The following NR2C2 variants were observed in gnomAD, a reference collection of about 807,000 sequenced individuals.
NR2C2 encodes the protein Nuclear hormone receptor TR4.
A neutral mutation model predicts 62.9 loss-of-function variants in NR2C2; 6 were observed. The ratio of observed to expected loss-of-function variants is 0.10; its 90% CI spans 0.05 to 0.19. NR2C2 has a LOEUF of 0.19. NR2C2 is among the 10% of genes least tolerant of loss of function. The probability of loss-of-function intolerance (pLI) is 1.00; values close to 1 mark genes in which losing one functional copy is unlikely to be tolerated. For synonymous variants in NR2C2, 272 were observed against 273.8 expected, an observed-to-expected ratio of 0.99 and a Z score of 0.07; for missense variants, 479 against 762.7, an observed-to-expected ratio of 0.63 and a Z score of 4.38.
At chr3:15,035,322 G>A (rs2042078708) in intron 11 of NR2C2, among the ~76,000 whole-genome samples, 2 of 152,206 alleles carry the variant, frequency 1.3e-5, no homozygotes, top group South Asian at 4.1e-4. Context: ...AGGCTTATCA[G>A]TCAGAATATG....
intron 1 of NR2C2, among the ~76,000 whole-genome samples, chr3:14,953,024 C>T (rs1006356320): frequency 6.6e-6 from 1 of 152,176 alleles, no homozygotes; most frequent in Non-Finnish European, 1.5e-5. Context: ...CAGATGCAGA[C>T]CCCTGGTACC....
At chr3:15,038,239 G>T in intron 12 of NR2C2, 102 bp downstream of exon 12, 2 of 1,215,890 alleles carry the variant, frequency 1.6e-6, no homozygotes, top group South Asian at 1.6e-5. Context: ...GAGCCCTGCA[G>T]ATTGTATGTG....
intron 1 of NR2C2, among the ~76,000 whole-genome samples, chr3:14,983,431 C>T (rs556181946): frequency 1.4e-4 from 21 of 150,464 alleles, no homozygotes; most frequent in African/African-American, 4.2e-4. Flanking sequence ...TTAATCTCAA[C>T]TTGATAGGTT....
chr3:15,007,546 T>A (rs1210365913), intron 2 of NR2C2, among the ~76,000 whole-genome samples: 1 of 152,226 alleles, frequency 6.6e-6, no homozygotes, highest in African/African-American at 2.4e-5. Flanking sequence ...TGTTTCCTTG[T>A]GTATTGCCAG....
intron 12 of NR2C2, 159 bp from the exon 13 acceptor site, chr3:15,038,963 A>G (rs1255120766): frequency 6.4e-6 from 4 of 620,456 alleles, no homozygotes; most frequent in Non-Finnish European, 1.2e-5. Context: ...AACAGAGGAA[A>G]AGCCAGTGTT....
At chr3:14,974,990 T>G (rs1468743839) in intron 1 of NR2C2, among the ~76,000 whole-genome samples, 1 of 152,230 alleles carries the variant, frequency 6.6e-6, no homozygotes, top group Non-Finnish European at 1.5e-5. Flanking sequence ...ATTTTATTCT[T>G]TTTTATGGTA....
At chr3:15,038,354 C>T in intron 12 of NR2C2, 1 of 443,810 alleles carries the variant, frequency 2.3e-6, no homozygotes, top group South Asian at 4.0e-5. Flanking sequence ...CTGATGATGT[C>T]ACGCACTGAA....
intron 1 of NR2C2, among the ~76,000 whole-genome samples, chr3:14,978,660 A>G (rs754770485): frequency 4.6e-5 from 7 of 152,130 alleles, no homozygotes; most frequent in Non-Finnish European, 1.0e-4. Context: ...TTTTAAAACT[A>G]TGGCACAGGG....
chr3:15,008,476 C>T (rs1447531658), intron 2 of NR2C2, among the ~76,000 whole-genome samples: 36 of 151,520 alleles, frequency 2.4e-4, no homozygotes, highest in African/African-American at 8.0e-4. Context: ...GAGCCAACAT[C>T]GTGCTGCTGC....
At chr3:15,013,041 A>G (rs568894192) in intron 2 of NR2C2, among the ~76,000 whole-genome samples, 4 of 152,264 alleles carry the variant, frequency 2.6e-5, no homozygotes, top group African/African-American at 9.6e-5. Flanking sequence ...TGTAGTCTCT[A>G]TCCTTAAAGA....
chr3:14,952,427 A>G (rs2039394129), intron 1 of NR2C2, among the ~76,000 whole-genome samples: 1 of 152,162 alleles, frequency 6.6e-6, no homozygotes, highest in South Asian at 2.1e-4. Flanking sequence ...CTTTAGTCCC[A>G]AACCATCTCC....
intron 4 of NR2C2, among the ~76,000 whole-genome samples, chr3:15,018,327 A>G (rs1373118935): frequency 6.6e-6 from 1 of 152,178 alleles, no homozygotes; most frequent in Admixed American, 6.5e-5. Context: ...TTGATAATTA[A>G]AAGTTGGAGA....
chr3:14,986,437 GACTT>G (rs567319726), intron 1 of NR2C2, among the ~76,000 whole-genome samples: 71 of 152,248 alleles, frequency 4.7e-4, no homozygotes, highest in Non-Finnish European at 6.5e-4. Context: ...AGTGAGACTA[GACTT>G]ACTTATGATA....
chr3:15,043,053 C>A lies in NR2C2; in HGVS notation c.*45C>A. 1.9e-6 allele frequency: 3 copies of A among 1,556,886 alleles called. No individual in the cohort carries two copies. In the South Asian group the frequency reaches 3.6e-5, roughly 19 times the overall value. ...AAGGAGCAACAGAATCCTTCCAGGA[C>A]CGTTCACATACAAAGAAAAGTAGTG... On this transcript the variant is annotated 3_prime_UTR_variant, in exon 14 of 14. Transcript: ENST00000425241.
chr3:14,954,609 C>T (rs2039470549), intron 1 of NR2C2, among the ~76,000 whole-genome samples: 1 of 152,062 alleles, frequency 6.6e-6, no homozygotes, highest in South Asian at 2.1e-4. Context: ...AGAAGCCAGA[C>T]ATACCAAAAA....
At chr3:14,971,717 C>G (rs1360727564) in intron 1 of NR2C2, among the ~76,000 whole-genome samples, 1 of 151,462 alleles carries the variant, frequency 6.6e-6, no homozygotes, top group African/African-American at 2.4e-5. Context: ...GTGGTTTTGA[C>G]TTGCACTTCC....
intron 5 of NR2C2, 101 bp downstream of exon 5, chr3:15,021,033 G>A: frequency 8.5e-7 from 1 of 1,171,320 alleles, no homozygotes; most frequent in Admixed American, 2.5e-5. Context: ...AATACTTTAA[G>A]AAAAAAATAT....
chr3:14,981,748 T>G (rs2125330381), intron 1 of NR2C2, among the ~76,000 whole-genome samples: 1 of 152,154 alleles, frequency 6.6e-6, no homozygotes, highest in South Asian at 2.1e-4. Context: ...CAGCCTTCAG[T>G]CGGTGGCCAA....
intron 1 of NR2C2, among the ~76,000 whole-genome samples, chr3:14,968,601 G>A (rs1420792392): frequency 6.7e-6 from 1 of 148,520 alleles, no homozygotes; most frequent in Non-Finnish European, 1.5e-5. Context: ...TCTAGAACTA[G>A]AAATACCATT....
Sources: gnomAD v4.1 joint callset for allele counts (sites outside exome capture counted in the v4.1 genomes callset) on GRCh38, gnomAD v4.1.1 for gene constraint, MANE v1.5 for transcripts, NCBI Gene and HGNC (gene_info 2026-07-23, HGNC 2026-07-21) for gene names.